EPHA8: variants seen among roughly 807,000 people sequenced by gnomAD.
The protein encoded by EPHA8 is EPH receptor A8.
A neutral mutation model predicts 103.6 loss-of-function variants in EPHA8; 58 were observed. The ratio of observed to expected loss-of-function variants is 0.56; its 90% CI spans 0.45 to 0.70. The LOEUF (loss-of-function observed/expected upper bound fraction) is 0.70, where lower values mean the gene tolerates loss of function less well. EPHA8 is among the 30% of genes least tolerant of loss of function. The pLI is 0.00. For synonymous variants in EPHA8, 559 were observed against 572.5 expected (o/e 0.98, Z 0.34); for missense variants, 1,304 against 1,395.2 (o/e 0.93, Z 1.04).
chr1:22,578,039 GTA>G (rs1263895284), intron 3 of EPHA8, among the ~76,000 whole-genome samples: 2 of 85,426 alleles, frequency 2.3e-5, no homozygotes, highest in East Asian at 3.7e-4. Flanking sequence ...GCATGTGTAT[GTA>G]TGTGCATGTG....
intron 1 of EPHA8, among the ~76,000 whole-genome samples, chr1:22,568,813 C>T (rs1325335768): frequency 6.6e-6 from 1 of 152,214 alleles, no homozygotes; most frequent in African/African-American, 2.4e-5. Context: ...CATCATGGCT[C>T]TTACAGGAGA....
At chr1:22,585,050 T>TGTGTGTGTGTGTGTGTGTGTGTGC (rs71020436) in intron 3 of EPHA8, among the ~76,000 whole-genome samples, 8 of 93,490 alleles carry the variant, frequency 8.6e-5, no homozygotes, top group African/African-American at 4.2e-4. Context: ...TGTGTGTGTG[T>TGTGTGTGTGTGTGTGTGTGTGTGC]GCGCACGCGT....
chr1:22,599,620 AGAAGGGAAGGAAGGAAGGGAG>A (rs752159063), intron 13 of EPHA8, among the ~76,000 whole-genome samples: 6,903 of 106,522 alleles, frequency 0.065, 797 homozygotes, highest in Admixed American at 0.081. Context: ...GGAGGGAGGA[AGAAGGGAAGGAAGGAAGGGAG>A]GGAGGGAAGG....
In EPHA8 at chr1:22,589,156, G is replaced by A; in HGVS notation, c.1265G>A (p.Ser422Asn). 1.2e-6 allele frequency: 2 copies of A among 1,613,844 alleles called. No individual in the cohort carries two copies. Among genetic ancestry groups the A allele is most frequent in the East Asian group, 2.2e-5 (1 of 44,886 alleles). Residue 422 changes from serine to asparagine, a missense_variant, in exon 5 of 17, where the codon AGC becomes AAC. Transcript: ENST00000166244. The surrounding 1 kb of genome is among the most constrained non-coding windows in gnomAD (Gnocchi z 4.3). Reference protein sequence around the residue: ...IEAVNGVSDLSPEPRRAAVVN... With the variant: ...IEAVNGVSDLNPEPRRAAVVN... ...GCCGTCAATGGCGTGTCCGACCTGA[G>A]CCCCGAGCCCCGCCGGGCCGCTGTG...
chr1:22,587,893 G>A (rs140500228), intron 4 of EPHA8, among the ~76,000 whole-genome samples: 63 of 152,184 alleles, frequency 4.1e-4, no homozygotes, highest in African/African-American at 1.4e-3. Context: ...TTCCACATGT[G>A]GGACCTGTTG....
At chr1:22,599,718 GGGAGGGAGGGAAGGAA>G (rs1389440830) in intron 13 of EPHA8, among the ~76,000 whole-genome samples, 3 of 4,864 alleles carry the variant, frequency 6.2e-4, no homozygotes, top group South Asian at 3.0e-3. Flanking sequence ...AGGGAAGGAA[GGGAGGGAGGGAAGGAA>G]GGAGGGAGGG....
Position 22,595,234 on chromosome 1 carries a change from C to A in EPHA8, c.1608C>A (p.Pro536=). The A allele has an allele frequency of 6.2e-7, 1 of 1,609,506 alleles. No homozygotes were observed. The highest frequency in any genetic ancestry group is 8.5e-7 in the Non-Finnish European group (1 of 1,176,762). ...AACCCTGGCTTTCCCCTGCAGGGCC[C>A]CGCTATGACACCAGGACCATTGTCT... ...AMEVETGKPR[P]RYDTRTIVWI... The change falls in exon 8 of 17, where the codon CCC becomes CCA. Residue 536 remains proline, a synonymous_variant. Coordinates refer to ENST00000166244, the MANE Select transcript of EPHA8 (RefSeq NM_020526.5).
chr1:22,595,109 T>C (rs929102177), intron 7 of EPHA8, 121 bp from the exon 8 acceptor site: 1 of 699,476 alleles, frequency 1.4e-6, no homozygotes, highest in Admixed American at 3.1e-5. Context: ...GGCTGGCTCA[T>C]GGCTCTGGGC....
intron 8 of EPHA8, among the ~76,000 whole-genome samples, chr1:22,595,527 G>T (rs1362827127): frequency 6.6e-6 from 1 of 152,222 alleles, no homozygotes; most frequent in Non-Finnish European, 1.5e-5. Context: ...GGATCAGAGA[G>T]GTTAGTCTTC....
intron 4 of EPHA8, among the ~76,000 whole-genome samples, chr1:22,587,316 T>C (rs576386444): frequency 4.2e-4 from 64 of 152,240 alleles, no homozygotes; most frequent in Non-Finnish European, 7.5e-4. Context: ...TGTGTGTGTG[T>C]GTACATCTGG....
rs951060799 is a variant in EPHA8, at chr1:22,580,048, C to T, written c.823+3168C>T. Among the ~76,000 whole-genome samples the T allele has an allele frequency of 4.0e-5, 6 of 151,666 alleles. No individual in the cohort carries two copies. In the South Asian group the frequency reaches 1.3e-3, roughly 32 times the overall value. ...CTTAGGAGCCGTCTTGCCCAGAGATCTCTGGGGCCAGGATCTTCCCTGCAG... is the reference window on the plus strand; with the variant it reads ...CTTAGGAGCCGTCTTGCCCAGAGATTTCTGGGGCCAGGATCTTCCCTGCAG... On this transcript the variant is annotated intron_variant, in intron 3 of 16. Coordinates refer to ENST00000166244, the MANE Select transcript of EPHA8 (RefSeq NM_020526.5).
At chr1:22,583,595 A>C (rs1375323457) in intron 3 of EPHA8, among the ~76,000 whole-genome samples, 1 of 152,202 alleles carries the variant, frequency 6.6e-6, no homozygotes, top group African/African-American at 2.4e-5. Flanking sequence ...AACTACATCA[A>C]ATTGTTATAA....
intron 3 of EPHA8, among the ~76,000 whole-genome samples, chr1:22,584,860 G>A (rs955969100): frequency 1.3e-5 from 2 of 152,142 alleles, no homozygotes; most frequent in Non-Finnish European, 2.9e-5. Context: ...CCAGGTTCTG[G>A]GACATTGAGA....
chr1:22,589,731 T>G lies in EPHA8; in HGVS notation c.1315+525T>G, dbSNP rs1641325544. On this transcript the variant is annotated intron_variant, in intron 5 of 16. Coordinates refer to ENST00000166244, the MANE Select transcript of EPHA8 (RefSeq NM_020526.5). The surrounding 1 kb of genome is among the most constrained non-coding windows in gnomAD (Gnocchi z 4.3). ...TATCTATCAGTTTCTGGCCAGTTGG[T>G]GGGCTGAATTCACCCCCGGAACCTC... The G allele has an allele frequency of 1.0e-6, 1 of 997,880 alleles. No homozygotes were observed. Among genetic ancestry groups the G allele is most frequent in the East Asian group, 9.2e-5 (1 of 10,900 alleles). The allele number at this position is 997,880 out of a possible 1,614,324, so 61.8% of individuals were successfully genotyped here.
In EPHA8 at chr1:22,598,980, G is replaced by A; in HGVS notation, c.2321G>A (p.Cys774Tyr). The change falls in exon 13 of 17, where the codon TGC becomes TAC. Residue 774 changes from cysteine (C) to tyrosine (Y), a missense_variant. Transcript: ENST00000166244. The surrounding 1 kb of genome is among the most constrained non-coding windows in gnomAD (Gnocchi z 5.1). ...RNVLVDSNLV[C>Y]KVSDFGLSRV... Reference sequence around the variant, plus strand: ...GTCCTGGTTGACAGCAACCTGGTCTGCAAGGTGTCTGACTTCGGGCTCTCA... The same window carrying A: ...GTCCTGGTTGACAGCAACCTGGTCTACAAGGTGTCTGACTTCGGGCTCTCA... 1 of 1,612,118 alleles carries A rather than the reference G, an allele frequency of 6.2e-7. No individual in the cohort carries two copies. The highest frequency in any genetic ancestry group is 8.5e-7 in the Non-Finnish European group (1 of 1,179,712).
rs201689882 is a variant in EPHA8 at position 22,576,866 on chromosome 1, G to A, written c.809G>A (p.Arg270Gln). 4.4e-6 allele frequency: 7 copies of A among 1,593,138 alleles called. No homozygotes were observed. The highest frequency in any genetic ancestry group is 2.3e-5 in the South Asian group (2 of 88,852). ...TGCAGTGCCGGCTACGAGGAGCGGCGGGATGCCTGTGTGGGTGAGCGCGCC... is the reference window on the plus strand; with the variant it reads ...TGCAGTGCCGGCTACGAGGAGCGGCAGGATGCCTGTGTGGGTGAGCGCGCC... ...CVCSAGYEERRDACVACELGF... is the reference protein window; with the variant it reads ...CVCSAGYEERQDACVACELGF... The change falls in exon 3 of 17, where the codon CGG becomes CAG. Residue 270 changes from arginine (R) to glutamine (Q), a missense_variant. Transcript: ENST00000166244. The surrounding 1 kb of genome is among the most constrained non-coding windows in gnomAD (Gnocchi z 4.8).
chr1:22,597,208 A>T lies in EPHA8; in HGVS notation c.1766-104A>T. 2 of 961,374 alleles carry T rather than the reference A, an allele frequency of 2.1e-6. No individual in the cohort carries two copies. Among genetic ancestry groups the T allele is most frequent in the Non-Finnish European group, 3.0e-6 (2 of 661,000 alleles). The allele number at this position is 961,374 out of a possible 1,614,324, so 59.6% of individuals were successfully genotyped here. A position where few individuals can be genotyped will look rare whatever the true frequency, so the allele number is the denominator to read the frequency against. The stretch of plus-strand genomic sequence containing the variant: ...TTTGCTACCACATCCAGAGACTCCC[A>T]GAGACACCCCTCACCCCACCCCAGA... On this transcript the variant is annotated intron_variant, in intron 9 of 16. Transcript: ENST00000166244. The surrounding 1 kb of genome is among the most constrained non-coding windows in gnomAD (Gnocchi z 4.6).
rs899265744 is a variant in EPHA8, at chr1:22,589,609, T to C, written c.1315+403T>C. ...CGTGGTAAATGCTCAATAAATGTCATTAAAAAATAAAATCACTCGGATGAT... is the reference window on the plus strand; with the variant it reads ...CGTGGTAAATGCTCAATAAATGTCACTAAAAAATAAAATCACTCGGATGAT... On this transcript the variant is annotated intron_variant, in intron 5 of 16. Coordinates refer to ENST00000166244, the MANE Select transcript of EPHA8 (RefSeq NM_020526.5). This position sits in a 1 kb window ranked among gnomAD's most constrained non-coding sequence, Gnocchi z 4.3. 17 of 1,266,944 alleles carry C rather than the reference T, an allele frequency of 1.3e-5. 1 individual carries two copies. Among genetic ancestry groups the C allele is most frequent in the Admixed American group, 7.8e-5 (2 of 25,804 alleles). The allele number at this position is 1,266,944 out of a possible 1,614,324, so 78.5% of individuals were successfully genotyped here. A position where few individuals can be genotyped will look rare whatever the true frequency, so the allele number is the denominator to read the frequency against.
At chr1:22,585,052 C>CGCGCGTGCGCGCGTGCGCGCGT (rs147149954) in intron 3 of EPHA8, among the ~76,000 whole-genome samples, 1 of 144,370 alleles carries the variant, frequency 6.9e-6, no homozygotes, top group African/African-American at 2.7e-5. Context: ...TGTGTGTGTG[C>CGCGCGTGCGCGCGTGCGCGCGT]GCACGCGTGT....
Sources: allele counts gnomAD v4.1 joint callset (sites outside exome capture counted in the v4.1 genomes callset), GRCh38; gene constraint gnomAD v4.1.1; non-coding constraint Gnocchi (gnomAD v3.1); transcripts MANE v1.5; gene names NCBI Gene and HGNC (gene_info 2026-07-23, HGNC 2026-07-21).